Variants in FREM2 observed in about 807,000 individuals in gnomAD.
FREM2 encodes FRAS1-related extracellular matrix protein 2.
In FREM2, 119 loss-of-function variants were observed where a neutral mutation model predicts 219.9. That is an observed-to-expected ratio of 0.54 (90% CI 0.47 to 0.63). The LOEUF is 0.63. Ranked by LOEUF, FREM2 falls within the 30% of genes least tolerant of loss-of-function variation. FREM2 has a pLI of 0.00. For missense variants in FREM2, 4,030 were observed against 3,993.6 expected (o/e 1.01, Z -0.25); for synonymous variants, 1,562 against 1,522.8 (o/e 1.03, Z -0.60).
rs375444598 is a variant in FREM2, at chr13:38,867,839, G to T, written c.7983+3233G>T. Among the ~76,000 whole-genome samples, 1,096 of 152,152 alleles carry T rather than the reference G, an allele frequency of 7.2e-3. 9 individuals carry two copies. Among genetic ancestry groups the T allele is most frequent in the Non-Finnish European group, 0.012 (845 of 67,972 alleles). On this transcript the variant is annotated intron_variant, in intron 16 of 23. Transcript: ENST00000280481. The stretch of plus-strand genomic sequence containing the variant: ...TTTTGTCCTTTTCTTTTCCTTTTTT[G>T]TCTATCTAGGCCTCAGCCAATTTGG...
intron 6 of FREM2, among the ~76,000 whole-genome samples, chr13:38,802,660 A>G (rs1593416657): frequency 6.6e-6 from 1 of 152,182 alleles, no homozygotes; most frequent in Non-Finnish European, 1.5e-5. Flanking sequence ...CATCAGCTCC[A>G]GGATAAGACA....
chr13:38,703,165 T>G (rs1467219217), intron 2 of FREM2, among the ~76,000 whole-genome samples: 1 of 152,066 alleles, frequency 6.6e-6, no homozygotes, highest in African/African-American at 2.4e-5. Context: ...CCAATAACTT[T>G]GGGGTTTAAG....
In FREM2 at chr13:38,765,380, A is replaced by G. The variant is rs150600432; in HGVS notation, c.5410+930A>G. Among the ~76,000 whole-genome samples, 987 of 152,306 alleles carry G rather than the reference A, an allele frequency of 6.5e-3. 10 individuals carry two copies. The highest frequency in any genetic ancestry group is 0.022 in the African/African-American group (910 of 41,564). On this transcript the variant is annotated intron_variant, in intron 3 of 23. Transcript: ENST00000280481. ...ATATATTTTATAGACATCTAGACCAATGGAATTTGCATGGGATAAAAAGAG... is the reference window on the plus strand; with the variant it reads ...ATATATTTTATAGACATCTAGACCAGTGGAATTTGCATGGGATAAAAAGAG...
chr13:38,815,088 G>A (rs1178952340), intron 6 of FREM2, among the ~76,000 whole-genome samples: 1 of 152,112 alleles, frequency 6.6e-6, no homozygotes, highest in Non-Finnish European at 1.5e-5. Flanking sequence ...GCTGATTTTT[G>A]GCTCTTGTGG....
chr13:38,875,933 A>G, intron 18 of FREM2, 89 bp from the exon 19 acceptor site: 1 of 1,162,790 alleles, frequency 8.6e-7, no homozygotes, highest in Non-Finnish European at 1.3e-6. Flanking sequence ...CAAATAATGT[A>G]TGATCATTTA....
intron 10 of FREM2, 76 bp downstream of exon 10, chr13:38,851,184 C>G: frequency 6.9e-7 from 1 of 1,448,246 alleles, no homozygotes; most frequent in Non-Finnish European, 9.5e-7. Flanking sequence ...TTAAGTGACT[C>G]AGAAAAATGC....
chr13:38,691,352 C>T lies in FREM2; in HGVS notation c.4008C>T (p.Asp1336=), dbSNP rs183337136. 2 of 1,613,588 alleles carry T rather than the reference C, an allele frequency of 1.2e-6. No homozygotes were observed. Among genetic ancestry groups the T allele is most frequent in the Non-Finnish European group, 1.7e-6 (2 of 1,179,562 alleles). Residue 1336 remains aspartate (D), a synonymous_variant, in exon 1 of 24, where the codon GAC becomes GAT. Coordinates refer to ENST00000280481, the MANE Select transcript of FREM2 (RefSeq NM_207361.6). The stretch of plus-strand genomic sequence containing the variant: ...TGGCAACAGATTTAGATTCAGAAGA[C>T]AAATCTTTGGTTTATATTATTCGTT... ...ILMATDLDSE[D]KSLVYIIRYG... is the part of the protein sequence containing the mutation.
chr13:38,765,903 G>C (rs987863854), intron 3 of FREM2, among the ~76,000 whole-genome samples: 1 of 152,078 alleles, frequency 6.6e-6, no homozygotes, highest in African/African-American at 2.4e-5. Flanking sequence ...AGGATATTCT[G>C]AGCACTCTCA....
In FREM2 at chr13:38,848,552, T is replaced by G; in HGVS notation, c.6261T>G (p.Leu2087=). 3 of 1,614,036 alleles carry G rather than the reference T, an allele frequency of 1.9e-6. No individual in the cohort carries two copies. Among genetic ancestry groups the G allele is most frequent in the Non-Finnish European group, 2.5e-6 (3 of 1,179,912 alleles). The change falls in exon 8 of 24, where the codon CTT becomes CTG. Residue 2087 remains leucine, a synonymous_variant. Coordinates refer to ENST00000280481, the MANE Select transcript of FREM2 (RefSeq NM_207361.6). ...QPVRVVILDD[L]GQPALEGIEK... The stretch of plus-strand genomic sequence containing the variant: ...TTCGTGTTGTCATTCTGGATGACCT[T>G]GGACAACCAGCGCTGGAGGGAATTG...
In FREM2 at chr13:38,751,032, T is replaced by C. The variant is rs1872731775; in HGVS notation, c.5264-13272T>C. On this transcript the variant is annotated intron_variant, in intron 2 of 23. Transcript: ENST00000280481. Reference sequence around the variant, plus strand: ...AATTCTACCACAGTTTTGTTTTTTGTTTTTTTCATCCATGGATAAGCACTG... The same window carrying C: ...AATTCTACCACAGTTTTGTTTTTTGCTTTTTTCATCCATGGATAAGCACTG... 2.0e-5 allele frequency among the ~76,000 whole-genome samples: 3 copies of C among 152,142 alleles called. No individual in the cohort carries two copies. The South Asian group carries it at 6.2e-4, about 31-fold the overall frequency.
chr13:38,695,153 G>T (rs141288618), intron 1 of FREM2, among the ~76,000 whole-genome samples: 1 of 152,200 alleles, frequency 6.6e-6, no homozygotes, highest in East Asian at 1.9e-4. Flanking sequence ...CTACTTTTGT[G>T]TCTTAAGAAA....
intron 2 of FREM2, among the ~76,000 whole-genome samples, chr13:38,734,248 T>G (rs968413581): frequency 2.6e-5 from 4 of 152,056 alleles, no homozygotes; most frequent in Non-Finnish European, 4.4e-5. Flanking sequence ...CCCTATCTCA[T>G]TCCTCCCCCG....
chr13:38,702,055 A>G (rs1870364410), intron 2 of FREM2, among the ~76,000 whole-genome samples: 1 of 151,700 alleles, frequency 6.6e-6, no homozygotes, highest in African/African-American at 2.4e-5. Flanking sequence ...TATATGAAAA[A>G]CTCCTATAAA....
chr13:38,826,566 C>T (rs1355712947), intron 6 of FREM2, among the ~76,000 whole-genome samples: 2 of 151,912 alleles, frequency 1.3e-5, no homozygotes, highest in Non-Finnish European at 2.9e-5. Flanking sequence ...TGCCTGCAGG[C>T]GTGTTCAGGT....
intron 2 of FREM2, among the ~76,000 whole-genome samples, chr13:38,762,710 C>T (rs1248425858): frequency 6.6e-6 from 1 of 152,138 alleles, no homozygotes; most frequent in Non-Finnish European, 1.5e-5. Flanking sequence ...GCTGAGACTA[C>T]AGGCATGAGC....
chr13:38,826,001 C>T (rs1032181694), intron 6 of FREM2, among the ~76,000 whole-genome samples: 3 of 151,994 alleles, frequency 2.0e-5, no homozygotes, highest in African/African-American at 2.4e-5. Context: ...AATCATAATG[C>T]GTATGTTTAC....
intron 15 of FREM2, among the ~76,000 whole-genome samples, chr13:38,863,393 A>G (rs184410402): frequency 2.0e-4 from 31 of 152,310 alleles, no homozygotes; most frequent in Admixed American, 1.2e-3. Context: ...AAATTATTGA[A>G]GATCTCAAAG....
Position 38,834,951 on chromosome 13 carries a change from A to G in FREM2, c.6020-11622A>G, listed in dbSNP as rs540535470. 3.3e-5 allele frequency among the ~76,000 whole-genome samples: 5 copies of G among 152,206 alleles called. No homozygotes were observed. In the East Asian group the frequency reaches 7.7e-4, roughly 23 times the overall value. On this transcript the variant is annotated intron_variant, in intron 6 of 23. Transcript: ENST00000280481. Reference sequence around the variant, plus strand: ...TTGCTGTGCAGAAGCTCTTTAGTTTAATTAGATCTCATTTGTCAACTTTGG... The same window carrying G: ...TTGCTGTGCAGAAGCTCTTTAGTTTGATTAGATCTCATTTGTCAACTTTGG...
chr13:38,873,458 A>C (rs576938314), intron 17 of FREM2, among the ~76,000 whole-genome samples: 1 of 152,308 alleles, frequency 6.6e-6, no homozygotes, highest in South Asian at 2.1e-4. Context: ...GATAGACACA[A>C]CTTCTAATAT....
Sources: allele counts gnomAD v4.1 joint callset (sites outside exome capture counted in the v4.1 genomes callset), GRCh38; gene constraint gnomAD v4.1.1; transcripts MANE v1.5; gene names NCBI Gene and HGNC (gene_info 2026-07-23, HGNC 2026-07-21).